The following JAZF1 variants were observed in gnomAD, a reference collection of about 807,000 sequenced individuals.
JAZF1 encodes the protein JAZF zinc finger 1, also known as juxtaposed with another zinc finger protein 1.
Under a neutral mutation model 26.4 loss-of-function variants are expected in JAZF1, and 8 were observed. The ratio of observed to expected loss-of-function variants is 0.30; its 90% CI spans 0.18 to 0.55. The LOEUF (loss-of-function observed/expected upper bound fraction) is 0.55. Ranked by LOEUF, JAZF1 falls within the 20% of genes least tolerant of loss-of-function variation. The probability of loss-of-function intolerance (pLI) is 0.94; values close to 1 mark genes in which losing one functional copy is unlikely to be tolerated. For synonymous variants in JAZF1, 126 were observed against 122.3 expected, an observed-to-expected ratio of 1.03 and a Z score of -0.20; for missense variants, 199 against 322.0, an observed-to-expected ratio of 0.62 and a Z score of 2.92.
intron 2 of JAZF1, among the ~76,000 whole-genome samples, chr7:27,946,771 T>C (rs1287706064): frequency 6.6e-6 from 1 of 152,198 alleles, no homozygotes; most frequent in Non-Finnish European, 1.5e-5. Context: ...AAACACAGAT[T>C]TATACACAGA....
At chr7:28,171,692 C>T (rs1319341178) in intron 1 of JAZF1, among the ~76,000 whole-genome samples, 1 of 152,178 alleles carries the variant, frequency 6.6e-6, no homozygotes, top group Non-Finnish European at 1.5e-5. Context: ...TAAACAAACA[C>T]TCTAGTTCAT....
At chr7:27,923,758 G>A (rs1454951467) in intron 2 of JAZF1, among the ~76,000 whole-genome samples, 1 of 152,202 alleles carries the variant, frequency 6.6e-6, no homozygotes, top group Non-Finnish European at 1.5e-5. Flanking sequence ...CGTCAGCACA[G>A]GGAAGGAAAT....
At chr7:27,904,137 C>T (rs764758282) in intron 2 of JAZF1, among the ~76,000 whole-genome samples, 5 of 152,100 alleles carry the variant, frequency 3.3e-5, no homozygotes, top group African/African-American at 9.7e-5. Flanking sequence ...GGATAGAGAA[C>T]CAGTAAGTAA....
chr7:28,046,401 A>G (rs1410347236), intron 1 of JAZF1, among the ~76,000 whole-genome samples: 1 of 152,194 alleles, frequency 6.6e-6, no homozygotes, highest in African/African-American at 2.4e-5. Context: ...AGATGGCTGC[A>G]TGGCATTACA....
intron 1 of JAZF1, among the ~76,000 whole-genome samples, chr7:28,037,545 C>T (rs1562566307): frequency 6.6e-6 from 1 of 152,172 alleles, no homozygotes; most frequent in Admixed American, 6.5e-5. Flanking sequence ...CAGTAACTAG[C>T]TGTGCGGCTT....
At chr7:27,961,058 C>G (rs937513722) in intron 2 of JAZF1, among the ~76,000 whole-genome samples, 2 of 152,214 alleles carry the variant, frequency 1.3e-5, no homozygotes, top group Non-Finnish European at 2.9e-5. Flanking sequence ...GTTTGAACTT[C>G]TATGAGAAAC....
Position 27,884,728 on chromosome 7 carries a change from A to G in JAZF1, c.385+10492T>C, listed in dbSNP as rs144194654. Among the ~76,000 whole-genome samples, 37 of 152,234 alleles carry G rather than the reference A, an allele frequency of 2.4e-4. 1 individual carries two copies. Among genetic ancestry groups the G allele is most frequent in the African/African-American group, 8.2e-4 (34 of 41,458 alleles). On this transcript the variant is annotated intron_variant, in intron 3 of 4. Transcript: ENST00000283928. Reference sequence around the variant, plus strand: ...CTAAATTATACTCCACTGTCTGGATATATCACAGTTTACCCATTTATCTGT... The same window carrying G: ...CTAAATTATACTCCACTGTCTGGATGTATCACAGTTTACCCATTTATCTGT...
chr7:27,989,459 G>A (rs1785847159), intron 2 of JAZF1, among the ~76,000 whole-genome samples: 2 of 152,186 alleles, frequency 1.3e-5, no homozygotes, highest in South Asian at 2.1e-4. Context: ...AAGAGCTTCT[G>A]CACAGCAAAA....
At chr7:27,868,672 G>A (rs1397152231) in intron 3 of JAZF1, among the ~76,000 whole-genome samples, 1 of 152,136 alleles carries the variant, frequency 6.6e-6, no homozygotes, top group Non-Finnish European at 1.5e-5. Context: ...CATTAACTCT[G>A]GCAGTGAGAG....
rs1554274815 is a variant in JAZF1 at position 27,909,002 on chromosome 7, T to TTCATTCATTC, written c.189-13587_189-13586insGAATGAATGA. ...TTCAGGTAAGTACACACTTGAATAA[T>TTCATTCATTC]ATTCATTCATTCATTCATTCATTCA... On this transcript the variant is annotated intron_variant, in intron 2 of 4. Coordinates refer to ENST00000283928, the MANE Select transcript of JAZF1 (RefSeq NM_175061.4). 3.3e-3 allele frequency among the ~76,000 whole-genome samples: 494 copies of TTCATTCATTC among 151,160 alleles called. 1 individual carries two copies. Among genetic ancestry groups the TTCATTCATTC allele is most frequent in the African/African-American group, 0.012 (480 of 40,918 alleles).
intron 1 of JAZF1, among the ~76,000 whole-genome samples, chr7:28,108,035 C>CT (rs1784582570): frequency 1.3e-5 from 2 of 152,286 alleles, no homozygotes; most frequent in African/African-American, 4.8e-5. Context: ...CTGATCAGAC[C>CT]TGGGGGGTGG....
chr7:28,087,080 C>T (rs996637228), intron 1 of JAZF1, among the ~76,000 whole-genome samples: 3 of 152,158 alleles, frequency 2.0e-5, no homozygotes, highest in Non-Finnish European at 4.4e-5. Context: ...AGTTTTATGA[C>T]ATCAAATGAC....
intron 2 of JAZF1, among the ~76,000 whole-genome samples, chr7:27,976,861 C>T (rs1364044081): frequency 2.6e-5 from 4 of 151,970 alleles, no homozygotes; most frequent in African/African-American, 9.7e-5. Context: ...ACTGAAACAC[C>T]AAGAGTGAGA....
At chr7:28,164,654 G>A (rs1341146344) in intron 1 of JAZF1, among the ~76,000 whole-genome samples, 1 of 152,134 alleles carries the variant, frequency 6.6e-6, no homozygotes, top group African/African-American at 2.4e-5. Context: ...TGGTGAAATA[G>A]TATCTTCAGA....
intron 3 of JAZF1, among the ~76,000 whole-genome samples, chr7:27,879,121 G>A (rs1690553351): frequency 6.6e-6 from 1 of 152,186 alleles, no homozygotes. Flanking sequence ...CAAAACATAT[G>A]CAGTAAGACA....
chr7:27,894,315 G>A (rs1333859202), intron 3 of JAZF1, among the ~76,000 whole-genome samples: 1 of 152,180 alleles, frequency 6.6e-6, no homozygotes, highest in African/African-American at 2.4e-5. Flanking sequence ...TTATACATGT[G>A]AGCCACAGCA....
At chr7:28,136,231 G>T (rs913415519) in intron 1 of JAZF1, among the ~76,000 whole-genome samples, 3 of 152,198 alleles carry the variant, frequency 2.0e-5, no homozygotes, top group African/African-American at 7.2e-5. Context: ...CTATTTTACA[G>T]GTGAAGAAGC....
At chr7:28,034,469 TACACACACACACACACACAC>T (rs59979673) in intron 1 of JAZF1, among the ~76,000 whole-genome samples, 6 of 145,290 alleles carry the variant, frequency 4.1e-5, no homozygotes, top group Non-Finnish European at 7.5e-5. Context: ...AGAAAACTAA[TACACACACACACACACACAC>T]ACACACACAC....
chr7:27,942,407 T>G (rs1290164227), intron 2 of JAZF1, among the ~76,000 whole-genome samples: 1 of 152,222 alleles, frequency 6.6e-6, no homozygotes, highest in Non-Finnish European at 1.5e-5. Context: ...AAGGGTTACC[T>G]GAGTCAAACA....
Sources: gnomAD v4.1 joint callset for allele counts (sites outside exome capture counted in the v4.1 genomes callset) on GRCh38, gnomAD v4.1.1 for gene constraint, MANE v1.5 for transcripts, NCBI Gene and HGNC (gene_info 2026-07-23, HGNC 2026-07-21) for gene names.